HM13: variants seen among roughly 807,000 people sequenced by gnomAD.
The protein encoded by HM13 is signal peptide peptidase.
Under a neutral mutation model 50.0 loss-of-function variants are expected in HM13, and 18 were observed. That is an observed-to-expected ratio of 0.36 (90% CI 0.25 to 0.53). The LOEUF is 0.53. Among genes scored for constraint, HM13 ranks in the 20% least tolerant of loss-of-function variants. The pLI, the probability that HM13 is intolerant of heterozygous loss-of-function variation, is 0.90. For synonymous variants in HM13, 197 were observed against 232.6 expected, an observed-to-expected ratio of 0.85 and a Z score of 1.39; for missense variants, 393 against 552.4, an observed-to-expected ratio of 0.71 and a Z score of 2.89.
chr20:31,568,965 G>A (rs1011166751), intron 12 of HM13, among the ~76,000 whole-genome samples, 155 bp from the exon 13 acceptor site: 1 of 152,234 alleles, frequency 6.6e-6, no homozygotes, highest in Admixed American at 6.5e-5. Flanking sequence ...GCTGGGGCCA[G>A]GCGCTGTTAG....
At chr20:31,552,833 C>T (rs1984100897) in intron 7 of HM13, among the ~76,000 whole-genome samples, 1 of 152,140 alleles carries the variant, frequency 6.6e-6, no homozygotes, top group African/African-American at 2.4e-5. Context: ...GGGTACCTAT[C>T]CATGTATTAG....
In HM13 at chr20:31,528,371, C is replaced by T. The variant is rs959940239; in HGVS notation, c.282+789C>T. Among the ~76,000 whole-genome samples, 6 of 152,166 alleles carry T rather than the reference C, an allele frequency of 3.9e-5. No homozygotes were observed. In the East Asian group the frequency reaches 9.6e-4, roughly 24 times the overall value. ...TCACTCCGTCCCCCAGGCTGGAGTG[C>T]AATGGCGCCATCACAGTTCACTGCA... is the stretch of plus-strand genomic sequence containing the variant. On this transcript the variant is annotated intron_variant, in intron 2 of 12. Coordinates refer to ENST00000398174, the MANE Select transcript of HM13 (RefSeq NM_178581.3).
rs1984219183 is a variant in HM13 at position 31,554,734 on chromosome 20, C to G, written c.725-12C>G. On this transcript the variant is annotated splice_polypyrimidine_tract_variant and intron_variant, in intron 7 of 12. Coordinates refer to ENST00000398174, the MANE Select transcript of HM13 (RefSeq NM_178581.3). ...TCCAGCTGACTCCTCACATTCCCGC[C>G]TCCCGCTTCAGTGGTGTTTCCCCAG... The G allele has an allele frequency of 6.2e-7, 1 of 1,613,036 alleles. No homozygotes were observed. Among genetic ancestry groups the G allele is most frequent in the African/African-American group, 1.3e-5 (1 of 74,870 alleles).
rs1984349053 is a variant in HM13 at position 31,557,040 on chromosome 20, G to A, written c.808+2211G>A. On this transcript the variant is annotated intron_variant, in intron 8 of 12. Coordinates refer to ENST00000398174, the MANE Select transcript of HM13 (RefSeq NM_178581.3). ...TCTCAAAAAAAAAAAAAAAAAGAAT[G>A]GTGCTAGGTACTTTTTATATGTCAT... 2.0e-5 allele frequency among the ~76,000 whole-genome samples: 3 copies of A among 151,776 alleles called. No homozygotes were observed. The South Asian group carries it at 6.3e-4, about 32-fold the overall frequency.
At chr20:31,540,638 T>C (rs1285018213) in intron 3 of HM13, 1 of 152,184 alleles carries the variant, frequency 6.6e-6, no homozygotes, top group East Asian at 1.9e-4. Flanking sequence ...TTTTTCCCTT[T>C]TAGAATAATA....
At chr20:31,540,171 T>G (rs1983355254) in intron 3 of HM13, 2 of 152,218 alleles carry the variant, frequency 1.3e-5, no homozygotes, top group African/African-American at 2.4e-5. Flanking sequence ...ACCCACAAAA[T>G]TCTATTCTAG....
intron 2 of HM13, among the ~76,000 whole-genome samples, chr20:31,535,901 GA>G (rs1181075908): frequency 6.6e-6 from 1 of 152,160 alleles, no homozygotes; most frequent in Non-Finnish European, 1.5e-5. Context: ...AAGCATGGAA[GA>G]ACCAGCTCAG....
chr20:31,534,647 G>A (rs759227508), intron 2 of HM13, among the ~76,000 whole-genome samples: 2 of 152,112 alleles, frequency 1.3e-5, no homozygotes, highest in African/African-American at 2.4e-5. Flanking sequence ...GCCAGGCGTG[G>A]TGGCACACAC....
chr20:31,530,833 T>C (rs1390818997), intron 2 of HM13, among the ~76,000 whole-genome samples: 2 of 152,192 alleles, frequency 1.3e-5, no homozygotes, highest in Non-Finnish European at 2.9e-5. Context: ...ACATAATTTG[T>C]GCACTTATTT....
At chr20:31,548,521 T>A in intron 4 of HM13, 1 of 183,816 alleles carries the variant, frequency 5.4e-6, no homozygotes, top group Non-Finnish European at 1.2e-5. Context: ...ATTCCAGAAT[T>A]AACTCGACCT....
At chr20:31,528,640 A>ATAAAATTT (rs1260540387) in intron 2 of HM13, among the ~76,000 whole-genome samples, 1 of 152,206 alleles carries the variant, frequency 6.6e-6, no homozygotes, top group Non-Finnish European at 1.5e-5. Flanking sequence ...CACCACGCCC[A>ATAAAATTT]GCTAATTTTT....
At chr20:31,549,931 C>T in intron 6 of HM13, 133 bp from the exon 7 acceptor site, 1 of 722,968 alleles carries the variant, frequency 1.4e-6, no homozygotes, top group Non-Finnish European at 2.5e-6. Context: ...ACCTCAGCTT[C>T]AGATCTGCAC....
chr20:31,548,455 C>T (rs992589446), intron 4 of HM13: 4 of 188,550 alleles, frequency 2.1e-5, no homozygotes, highest in Non-Finnish European at 4.4e-5. Flanking sequence ...TCATCGCCTG[C>T]TAGTGAACTG....
intron 8 of HM13, among the ~76,000 whole-genome samples, chr20:31,559,070 C>T (rs1391162614): frequency 6.6e-6 from 1 of 152,216 alleles, no homozygotes; most frequent in African/African-American, 2.4e-5. Context: ...GGGCACATGC[C>T]ACTATGTCTG....
intron 1 of HM13, among the ~76,000 whole-genome samples, chr20:31,518,037 AT>A (rs560265548): frequency 0.31 from 43,183 of 141,330 alleles, 9,997 homozygotes; most frequent in African/African-American, 0.67. Flanking sequence ...CTACAACTTG[AT>A]TTTTTTTTTT....
In HM13 at chr20:31,514,446, C is replaced by T; in HGVS notation, c.-106C>T. Reference sequence around the variant, plus strand: ...GGGCTTGGGAGGGAGCACGTCACTTCCTGTTGCCTTAGGGGAACGTGGCTT... The same window carrying T: ...GGGCTTGGGAGGGAGCACGTCACTTTCTGTTGCCTTAGGGGAACGTGGCTT... On this transcript the variant is annotated 5_prime_UTR_variant, in exon 1 of 13. Transcript: ENST00000398174. The surrounding 1 kb of genome is among the most constrained non-coding windows in gnomAD (Gnocchi z 4.3). The T allele has an allele frequency of 3.8e-6, 5 of 1,304,782 alleles. No individual in the cohort carries two copies. The highest frequency in any genetic ancestry group is 5.3e-6 in the Non-Finnish European group (5 of 948,582). 80.8% of individuals were successfully genotyped at this position (1,304,782 alleles called of 1,614,324 possible). A position where few individuals can be genotyped will look rare whatever the true frequency, so the allele number is the denominator to read the frequency against.
At chr20:31,520,862 C>G (rs980396712) in intron 1 of HM13, among the ~76,000 whole-genome samples, 8 of 152,144 alleles carry the variant, frequency 5.3e-5, no homozygotes, top group Non-Finnish European at 1.0e-4. Context: ...ACAGAATGGC[C>G]CATGAATTTC....
intron 1 of HM13, among the ~76,000 whole-genome samples, chr20:31,525,866 C>T (rs1982456945): frequency 6.6e-6 from 1 of 152,088 alleles, no homozygotes; most frequent in Non-Finnish European, 1.5e-5. Flanking sequence ...TGGCTCACAC[C>T]TATAAGTCCA....
chr20:31,538,331 A>G, intron 3 of HM13, 70 bp downstream of exon 3: 1 of 1,613,606 alleles, frequency 6.2e-7, no homozygotes, highest in Non-Finnish European at 8.5e-7. Context: ...TTGGATGAGA[A>G]CATGACTTTT....
Sources: gnomAD v4.1 joint callset for allele counts (sites outside exome capture counted in the v4.1 genomes callset) on GRCh38, gnomAD v4.1.1 for gene constraint, Gnocchi (gnomAD v3.1) non-coding constraint, MANE v1.5 for transcripts, NCBI Gene and HGNC (gene_info 2026-07-23, HGNC 2026-07-21) for gene names.